The following PTPRM variants were observed in gnomAD, a reference collection of about 807,000 sequenced individuals.
PTPRM encodes the protein protein tyrosine phosphatase receptor type M, also known as receptor-type tyrosine-protein phosphatase mu.
A neutral mutation model predicts 186.7 loss-of-function variants in PTPRM; 47 were observed. That is an observed-to-expected ratio of 0.25 (90% CI 0.20 to 0.32). The LOEUF is 0.32. PTPRM is among the 10% of genes least tolerant of loss of function. PTPRM has a pLI of 1.00. For synonymous variants in PTPRM, 668 were observed against 674.9 expected (o/e 0.99, Z 0.16); for missense variants, 1,494 against 1,865.0 (o/e 0.80, Z 3.66).
Position 7,725,846 on chromosome 18 carries a change from C to T in PTPRM, c.74-48303C>T, listed in dbSNP as rs142675564. Among the ~76,000 whole-genome samples, 108 of 152,274 alleles carry T rather than the reference C, an allele frequency of 7.1e-4. No homozygotes were observed. The East Asian group carries it at 7.5e-3, about 11-fold the overall frequency. Reference sequence around the variant, plus strand: ...TTCGTGTGACCTCATTCCTTCTGGACGCCAGAGAAGAACTTGGGTGCCACA... The same window carrying T: ...TTCGTGTGACCTCATTCCTTCTGGATGCCAGAGAAGAACTTGGGTGCCACA... On this transcript the variant is annotated intron_variant, in intron 1 of 32. Transcript: ENST00000580170.
chr18:8,352,652 G>GTTTT (rs142090056), intron 23 of PTPRM, among the ~76,000 whole-genome samples: 10 of 102,214 alleles, frequency 9.8e-5, no homozygotes, highest in South Asian at 3.4e-4. Flanking sequence ...TTTTTGGTTT[G>GTTTT]GTTTTTTTTG....
chr18:8,194,509 G>T lies in PTPRM; in HGVS notation c.2301-49549G>T, dbSNP rs554795292. On this transcript the variant is annotated intron_variant, in intron 14 of 32. Coordinates refer to ENST00000580170, the MANE Select transcript of PTPRM (RefSeq NM_001105244.2). ...CGTGTGAGGACTGAGGGGGCACCCT[G>T]AAATCCACACTGGAAACAGGCAGGC... is the stretch of plus-strand genomic sequence containing the variant. Among the ~76,000 whole-genome samples the T allele has an allele frequency of 7.9e-5, 12 of 152,352 alleles. No homozygotes were observed. In the South Asian group the frequency reaches 2.5e-3, roughly 32 times the overall value.
chr18:7,571,971 A>G (rs1232521967), intron 1 of PTPRM, among the ~76,000 whole-genome samples: 3 of 152,194 alleles, frequency 2.0e-5, no homozygotes, highest in East Asian at 3.8e-4. Context: ...TTTCTTTTTC[A>G]GATAACTATA....
intron 8 of PTPRM, among the ~76,000 whole-genome samples, chr18:8,072,827 C>T (rs114602671): frequency 6.6e-6 from 1 of 152,202 alleles, no homozygotes; most frequent in East Asian, 1.9e-4. Flanking sequence ...ATTCCCAGAG[C>T]TTCTAAAAAT....
chr18:8,040,525 C>T (rs540844133), intron 7 of PTPRM, among the ~76,000 whole-genome samples: 4 of 152,222 alleles, frequency 2.6e-5, no homozygotes, highest in Admixed American at 2.6e-4. Context: ...TGTTTGTAAA[C>T]AGTGATATGT....
intron 2 of PTPRM, among the ~76,000 whole-genome samples, chr18:7,833,758 C>T (rs926089112): frequency 2.6e-5 from 1 of 38,252 alleles, no homozygotes; most frequent in African/African-American, 4.7e-5. Context: ...ACAACAACAA[C>T]AACAACAACA....
At chr18:8,217,757 T>C (rs1023527825) in intron 14 of PTPRM, among the ~76,000 whole-genome samples, 2 of 152,230 alleles carry the variant, frequency 1.3e-5, no homozygotes, top group Non-Finnish European at 2.9e-5. Context: ...TGTTTTGTTT[T>C]GTTTGTGGTC....
intron 1 of PTPRM, among the ~76,000 whole-genome samples, chr18:7,624,628 G>A (rs148312838): frequency 9.9e-5 from 15 of 152,130 alleles, no homozygotes; most frequent in African/African-American, 3.6e-4. Flanking sequence ...GGTGCGTGCT[G>A]CCACATTCAG....
intron 24 of PTPRM, 53 bp downstream of exon 24, chr18:8,371,059 A>G (rs1282492946): frequency 1.8e-6 from 2 of 1,096,368 alleles, no homozygotes; most frequent in African/African-American, 1.6e-5. Context: ...GTGGTACCAT[A>G]CTAGCCTCAT....
At chr18:7,842,770 A>G (rs1360860577) in intron 2 of PTPRM, among the ~76,000 whole-genome samples, 2 of 149,370 alleles carry the variant, frequency 1.3e-5, no homozygotes, top group Admixed American at 1.3e-4. Context: ...ATCTCAATCA[A>G]TCTCTCTCTC....
intron 5 of PTPRM, among the ~76,000 whole-genome samples, chr18:7,942,641 G>A (rs28434244): frequency 0.14 from 21,167 of 151,142 alleles, 1,713 homozygotes; most frequent in Non-Finnish European, 0.19. Flanking sequence ...TGTCCTGCTT[G>A]GTGGGGGGGC....
At chr18:7,671,253 T>C (rs2144488702) in intron 1 of PTPRM, among the ~76,000 whole-genome samples, 1 of 152,230 alleles carries the variant, frequency 6.6e-6, no homozygotes, top group South Asian at 2.1e-4. Context: ...CAAAACTGAG[T>C]TGACTTGTGT....
chr18:8,276,755 T>A (rs966953619), intron 19 of PTPRM, among the ~76,000 whole-genome samples: 1 of 152,140 alleles, frequency 6.6e-6, no homozygotes, highest in Non-Finnish European at 1.5e-5. Context: ...ACAATCTCCA[T>A]CCTCATCTTC....
At chr18:7,706,628 A>AC (rs1568042202) in intron 1 of PTPRM, among the ~76,000 whole-genome samples, 11 of 149,632 alleles carry the variant, frequency 7.4e-5, no homozygotes, top group African/African-American at 2.2e-4. Flanking sequence ...AAAAAAAAAA[A>AC]AACAACAAAA....
chr18:7,775,502 G>C (rs915897949), intron 2 of PTPRM, among the ~76,000 whole-genome samples: 2 of 152,026 alleles, frequency 1.3e-5, no homozygotes, highest in Non-Finnish European at 2.9e-5. Flanking sequence ...TGGGGCCGTC[G>C]TTTCCCAAAC....
intron 14 of PTPRM, among the ~76,000 whole-genome samples, chr18:8,163,197 A>G (rs1010329442): frequency 6.6e-6 from 1 of 152,168 alleles, no homozygotes. Context: ...TAAACAACCT[A>G]TTCATTTGAA....
At chr18:8,131,141 C>T (rs768526027) in intron 13 of PTPRM, among the ~76,000 whole-genome samples, 4 of 152,150 alleles carry the variant, frequency 2.6e-5, no homozygotes, top group Non-Finnish European at 5.9e-5. Flanking sequence ...TCTTCAGAGA[C>T]ATTCAAAATT....
intron 1 of PTPRM, among the ~76,000 whole-genome samples, chr18:7,732,926 A>G (rs186972027): frequency 7.2e-5 from 11 of 152,280 alleles, no homozygotes; most frequent in Non-Finnish European, 1.3e-4. Flanking sequence ...TCACATGTTT[A>G]GGAATCATTG....
At chr18:7,582,129 G>T (rs957135202) in intron 1 of PTPRM, among the ~76,000 whole-genome samples, 9 of 152,180 alleles carry the variant, frequency 5.9e-5, no homozygotes, top group Admixed American at 3.3e-4. Flanking sequence ...GTGTAACAAA[G>T]CACCTCAAAA....
Sources: gnomAD v4.1 joint callset for allele counts (sites outside exome capture counted in the v4.1 genomes callset) on GRCh38, gnomAD v4.1.1 for gene constraint, MANE v1.5 for transcripts, NCBI Gene and HGNC (gene_info 2026-07-23, HGNC 2026-07-21) for gene names.